Variants in ARSK observed in about 807,000 individuals in gnomAD.
The protein encoded by ARSK is arylsulfatase family member K.
Under a neutral mutation model 53.2 loss-of-function variants are expected in ARSK, and 37 were observed. The ratio of observed to expected loss-of-function variants is 0.70; its 90% CI spans 0.54 to 0.92. The LOEUF (loss-of-function observed/expected upper bound fraction) is 0.92. Ranked by LOEUF, ARSK falls within the 40% of genes least tolerant of loss-of-function variation. The pLI, the probability that ARSK is intolerant of heterozygous loss-of-function variation, is 0.00. For synonymous variants in ARSK, 208 were observed against 223.2 expected (o/e 0.93, Z 0.61); for missense variants, 613 against 643.0 (o/e 0.95, Z 0.51).
rs1034776248 is a variant in ARSK, at chr5:95,591,920, A to C, written c.1096+295A>C. ...TCGGGTTCATAACCTTATAGATATG[A>C]TTTGTACATCATTTGATTGTCTACC... On this transcript the variant is annotated intron_variant, in intron 6 of 7. Coordinates refer to ENST00000380009, the MANE Select transcript of ARSK (RefSeq NM_198150.3). 2.0e-5 allele frequency among the ~76,000 whole-genome samples: 3 copies of C among 152,228 alleles called. No homozygotes were observed. In the South Asian group the frequency reaches 6.2e-4, roughly 32 times the overall value.
chr5:95,571,743 C>T (rs1229623220), intron 3 of ARSK, among the ~76,000 whole-genome samples: 1 of 152,132 alleles, frequency 6.6e-6, no homozygotes, highest in African/African-American at 2.4e-5. Context: ...AAATAAGCCA[C>T]CAGGAGTATT....
In ARSK at chr5:95,600,862, C is replaced by G. The variant is rs747266099; in HGVS notation, c.1112C>G (p.Pro371Arg). The G allele has an allele frequency of 6.2e-7, 1 of 1,613,720 alleles. No homozygotes were observed. Among genetic ancestry groups the G allele is most frequent in the South Asian group, 1.1e-5 (1 of 91,056 alleles). ...TGTTACATAGATATTGCTGGAATTCCTCTGCCTCAGAACCTGAGTGGATAC... is the reference window on the plus strand; with the variant it reads ...TGTTACATAGATATTGCTGGAATTCGTCTGCCTCAGAACCTGAGTGGATAC... ...YPTMLDIAGIPLPQNLSGYSL... is the reference protein window; with the variant it reads ...YPTMLDIAGIRLPQNLSGYSL... The change falls in exon 7 of 8, where the codon CCT (proline) becomes CGT (arginine). Residue 371 changes from proline to arginine, a missense_variant. By Grantham distance (103) the Pro-to-Arg change is moderately radical. Coordinates refer to ENST00000380009, the MANE Select transcript of ARSK (RefSeq NM_198150.3).
rs554154899 is a variant in ARSK, at chr5:95,555,479, C to T, written c.126+75C>T. On this transcript the variant is annotated intron_variant, in intron 1 of 7. Coordinates refer to ENST00000380009, the MANE Select transcript of ARSK (RefSeq NM_198150.3). The surrounding 1 kb of genome is among the most constrained non-coding windows in gnomAD (Gnocchi z 4.0). ...TCACCGCCGCCGCCTGTGCTGCAGG[C>T]TTTGGGGAGCAGAACCTGAGACATT... 1.3e-4 allele frequency: 190 copies of T among 1,480,588 alleles called. No homozygotes were observed. Among genetic ancestry groups the T allele is most frequent in the Non-Finnish European group, 1.7e-4 (184 of 1,105,422 alleles). The allele number at this position is 1,480,588 out of a possible 1,614,324, so 91.7% of individuals were successfully genotyped here. A position where few individuals can be genotyped will look rare whatever the true frequency, so the allele number is the denominator to read the frequency against.
chr5:95,578,270 G>C (rs1017908465), intron 3 of ARSK, among the ~76,000 whole-genome samples: 30 of 151,978 alleles, frequency 2.0e-4, no homozygotes, highest in Admixed American at 1.6e-3. Flanking sequence ...TCCCTGGTCA[G>C]CCTCCCAAGT....
chr5:95,557,160 C>G (rs960290119), intron 1 of ARSK: 3 of 152,098 alleles, frequency 2.0e-5, no homozygotes, highest in Non-Finnish European at 4.4e-5. Flanking sequence ...TGACCCATCC[C>G]CATTAGTATT....
Position 95,583,209 on chromosome 5 carries a change from A to G in ARSK, c.699+11A>G. On this transcript the variant is annotated intron_variant, in intron 4 of 7. Transcript: ENST00000380009. ...TATTGGCTTGAAAAAGTAAGTAACT[A>G]CATTGTGTGTGCTCAAAAGTAGATT... 4.0e-6 allele frequency: 6 copies of G among 1,518,982 alleles called. No individual in the cohort carries two copies. The highest frequency in any genetic ancestry group is 5.3e-6 in the Non-Finnish European group (6 of 1,126,684). The allele number at this position is 1,518,982 out of a possible 1,614,324, so 94.1% of individuals were successfully genotyped here. A position where few individuals can be genotyped will look rare whatever the true frequency, so the allele number is the denominator to read the frequency against.
At chr5:95,559,684 T>A (rs556140215) in intron 1 of ARSK, among the ~76,000 whole-genome samples, 2 of 152,096 alleles carry the variant, frequency 1.3e-5, no homozygotes, top group African/African-American at 4.8e-5. Flanking sequence ...TGCATTCAAC[T>A]GGCTAGAAAT....
At chr5:95,579,909 CTG>C in intron 3 of ARSK, among the ~76,000 whole-genome samples, 1 of 152,234 alleles carries the variant, frequency 6.6e-6, no homozygotes, top group East Asian at 1.9e-4. Context: ...CCACTGCACA[CTG>C]TGTGTAATGA....
At chr5:95,576,158 G>T (rs780037690) in intron 3 of ARSK, among the ~76,000 whole-genome samples, 1 of 150,282 alleles carries the variant, frequency 6.7e-6, no homozygotes, top group African/African-American at 2.5e-5. Flanking sequence ...TATGGTTTTC[G>T]TCCTTCATTC....
At chr5:95,581,844 T>A (rs923133118) in intron 3 of ARSK, among the ~76,000 whole-genome samples, 1 of 152,198 alleles carries the variant, frequency 6.6e-6, no homozygotes, top group Non-Finnish European at 1.5e-5. Context: ...TTAATTAGAA[T>A]CTGTTAGATG....
At position 95,601,056 on chromosome 5, in the gene ARSK, T is replaced by C. The variant is rs767008042; in HGVS notation, c.1306T>C (p.Leu436=). The change falls in exon 7 of 8, where the codon TTG becomes CTG. Residue 436 remains leucine, a synonymous_variant. Coordinates refer to ENST00000380009, the MANE Select transcript of ARSK (RefSeq NM_198150.3). ...AGCCTATTCGGATGGTGCATCAATA[T>C]TGCCTCAACTCTTTGGTAAGTTTGT... The part of the protein sequence containing the change: ...YIAYSDGASI[L]PQLFDLSSDP... 33 of 1,613,160 alleles carry C rather than the reference T, an allele frequency of 2.0e-5. No individual in the cohort carries two copies. The highest frequency in any genetic ancestry group is 2.6e-5 in the Non-Finnish European group (31 of 1,179,222).
chr5:95,559,161 C>T (rs1042697063), intron 1 of ARSK, among the ~76,000 whole-genome samples: 1 of 151,962 alleles, frequency 6.6e-6, no homozygotes, highest in Non-Finnish European at 1.5e-5. Context: ...AACAAAAAAA[C>T]AGTTCATGCC....
At chr5:95,563,973 CTTT>C in intron 1 of ARSK, among the ~76,000 whole-genome samples, 1 of 123,952 alleles carries the variant, frequency 8.1e-6, no homozygotes, top group South Asian at 2.7e-4. Flanking sequence ...GGGCTATGCA[CTTT>C]TTTTTTTTTT....
intron 4 of ARSK, among the ~76,000 whole-genome samples, chr5:95,585,498 A>G (rs890835327): frequency 6.6e-6 from 1 of 152,220 alleles, no homozygotes. Context: ...TAAGAAAGGA[A>G]TGAATCATTT....
At chr5:95,572,233 G>C (rs959814811) in intron 3 of ARSK, among the ~76,000 whole-genome samples, 1 of 152,148 alleles carries the variant, frequency 6.6e-6, no homozygotes, top group African/African-American at 2.4e-5. Flanking sequence ...GATACTGGTA[G>C]TATTACTCAT....
At chr5:95,569,606 A>G (rs1239623660) in intron 3 of ARSK, among the ~76,000 whole-genome samples, 1 of 152,202 alleles carries the variant, frequency 6.6e-6, no homozygotes. Context: ...AGGAAGAGGC[A>G]AGGAAAAATT....
chr5:95,577,687 G>T lies in ARSK; in HGVS notation c.417-5229G>T, dbSNP rs377051492. ...TGAATTCACAAGCAGACCAGAAAAT[G>T]GCTAGGTGAGATTTCACAAGATAAA... On this transcript the variant is annotated intron_variant, in intron 3 of 7. Coordinates refer to ENST00000380009, the MANE Select transcript of ARSK (RefSeq NM_198150.3). Among the ~76,000 whole-genome samples the T allele has an allele frequency of 8.6e-4, 131 of 152,196 alleles. No homozygotes were observed. The Middle Eastern group carries it at 0.01, about 12-fold the overall frequency.
chr5:95,557,659 A>G (rs1748548188), intron 1 of ARSK, among the ~76,000 whole-genome samples: 1 of 152,244 alleles, frequency 6.6e-6, no homozygotes, highest in African/African-American at 2.4e-5. Flanking sequence ...CCAGTTTGGT[A>G]TGCTGTTAGA....
At position 95,571,732 on chromosome 5, in the gene ARSK, G is replaced by A. The variant is rs555678833; in HGVS notation, c.416+3683G>A. Among the ~76,000 whole-genome samples, 26 of 152,306 alleles carry A rather than the reference G, an allele frequency of 1.7e-4. No homozygotes were observed. In the South Asian group the frequency reaches 5.2e-3, roughly 30 times the overall value. ...CACTCTCATCAGAGCTTAGGAAATTGAAATAAGCCACCAGGAGTATTTTTA... is the reference window on the plus strand; with the variant it reads ...CACTCTCATCAGAGCTTAGGAAATTAAAATAAGCCACCAGGAGTATTTTTA... On this transcript the variant is annotated intron_variant, in intron 3 of 7. Coordinates refer to ENST00000380009, the MANE Select transcript of ARSK (RefSeq NM_198150.3).
Sources: gnomAD v4.1 joint callset for allele counts (sites outside exome capture counted in the v4.1 genomes callset) on GRCh38, gnomAD v4.1.1 for gene constraint, Gnocchi (gnomAD v3.1) non-coding constraint, MANE v1.5 for transcripts, NCBI Gene and HGNC (gene_info 2026-07-23, HGNC 2026-07-21) for gene names.